ITGA9: variants seen among roughly 807,000 people sequenced by gnomAD.
ITGA9 encodes the protein integrin subunit alpha 9.
ITGA9 carries 56 observed loss-of-function variants against 127.8 expected under a neutral mutation model. That is an observed-to-expected ratio of 0.44 (90% CI 0.35 to 0.55). The LOEUF is 0.55. ITGA9 is among the 20% of genes least tolerant of loss of function. ITGA9 has a pLI of 0.00. For synonymous variants in ITGA9, 508 were observed against 514.5 expected (o/e 0.99, Z 0.17); for missense variants, 1,196 against 1,347.1 (o/e 0.89, Z 1.76).
chr3:37,672,328 G>T (rs957774459), intron 17 of ITGA9, among the ~76,000 whole-genome samples: 8 of 152,130 alleles, frequency 5.3e-5, no homozygotes, highest in African/African-American at 1.7e-4. Flanking sequence ...TGTTGTTCTT[G>T]TAATAGTGAA....
At chr3:37,497,510 C>G (rs943384756) in intron 5 of ITGA9, among the ~76,000 whole-genome samples, 1 of 152,098 alleles carries the variant, frequency 6.6e-6, no homozygotes, top group Non-Finnish European at 1.5e-5. Flanking sequence ...TTTTTAATAG[C>G]ACTTTCATAG....
chr3:37,472,967 C>G (rs923248634), intron 2 of ITGA9, among the ~76,000 whole-genome samples: 1 of 150,656 alleles, frequency 6.6e-6, no homozygotes, highest in Non-Finnish European at 1.5e-5. Context: ...GGTGAAAACC[C>G]ATCTCTGCTA....
At chr3:37,502,213 C>CTTT (rs910743416) in intron 5 of ITGA9, among the ~76,000 whole-genome samples, 53 of 111,816 alleles carry the variant, frequency 4.7e-4, no homozygotes, top group Non-Finnish European at 6.1e-4. Context: ...GTTCTTGAGT[C>CTTT]TTTTTTTTTT....
intron 15 of ITGA9, among the ~76,000 whole-genome samples, chr3:37,570,138 G>A (rs1232707271): frequency 6.6e-6 from 1 of 152,248 alleles, no homozygotes; most frequent in African/African-American, 2.4e-5. Context: ...CGGCATTTCT[G>A]CCCGGGGTTT....
chr3:37,820,716 G>A lies in ITGA9; in HGVS notation c.*1727G>A. ...TGATGGATAACCATCTAATAAGACA[G>A]AAAACATGGGGCTAAGAGCAGGGTC... On this transcript the variant is annotated 3_prime_UTR_variant, in exon 28 of 28. Coordinates refer to ENST00000264741, the MANE Select transcript of ITGA9 (RefSeq NM_002207.3). 6.6e-6 allele frequency: 1 copy of A among 152,316 alleles called. No individual in the cohort carries two copies. Among genetic ancestry groups the A allele is most frequent in the Non-Finnish European group, 1.5e-5 (1 of 68,052 alleles). 9.4% of individuals were successfully genotyped at this position (152,316 alleles called of 1,614,324 possible).
At chr3:37,781,857 T>G (rs1392183346) in intron 25 of ITGA9, among the ~76,000 whole-genome samples, 1 of 152,210 alleles carries the variant, frequency 6.6e-6, no homozygotes, top group African/African-American at 2.4e-5. Context: ...GTTTTTCCAT[T>G]TTCAATCTGT....
chr3:37,757,590 G>A (rs1197449195), intron 23 of ITGA9, among the ~76,000 whole-genome samples: 1 of 151,740 alleles, frequency 6.6e-6, no homozygotes, highest in Non-Finnish European at 1.5e-5. Flanking sequence ...GGTCAAGGCT[G>A]CAGTGAGCCA....
At chr3:37,752,076 G>A (rs1404926286) in intron 23 of ITGA9, among the ~76,000 whole-genome samples, 3 of 152,206 alleles carry the variant, frequency 2.0e-5, no homozygotes, top group African/African-American at 7.2e-5. Flanking sequence ...GTGAAGAGGC[G>A]AGAGTCCCCA....
chr3:37,757,124 A>G (rs1696661939), intron 23 of ITGA9, among the ~76,000 whole-genome samples: 1 of 151,902 alleles, frequency 6.6e-6, no homozygotes, highest in South Asian at 2.1e-4. Context: ...ACAATGAAAT[A>G]AACCCAACTC....
At chr3:37,764,732 G>A (rs963752992) in intron 23 of ITGA9, among the ~76,000 whole-genome samples, 9 of 152,142 alleles carry the variant, frequency 5.9e-5, no homozygotes, top group Non-Finnish European at 5.9e-5. Context: ...CAGTTCATAT[G>A]TCCTCTCTGT....
At chr3:37,760,841 T>G (rs1696715363) in intron 23 of ITGA9, among the ~76,000 whole-genome samples, 1 of 152,214 alleles carries the variant, frequency 6.6e-6, no homozygotes, top group Admixed American at 6.5e-5. Flanking sequence ...AACTTTTATG[T>G]GATCAAAATA....
At chr3:37,471,646 G>A (rs1698432192) in intron 2 of ITGA9, among the ~76,000 whole-genome samples, 1 of 152,238 alleles carries the variant, frequency 6.6e-6, no homozygotes, top group Non-Finnish European at 1.5e-5. Context: ...GGGCCTAGCA[G>A]GCCAGGGCAA....
intron 1 of ITGA9, among the ~76,000 whole-genome samples, chr3:37,466,729 G>A (rs113831061): frequency 7.9e-5 from 12 of 152,240 alleles, no homozygotes; most frequent in African/African-American, 1.9e-4. Context: ...CTGCATTTCC[G>A]ACAAGTGCCA....
intron 18 of ITGA9, among the ~76,000 whole-genome samples, chr3:37,728,373 A>G (rs1696243501): frequency 6.6e-6 from 1 of 152,216 alleles, no homozygotes; most frequent in Non-Finnish European, 1.5e-5. Flanking sequence ...AATTGAATTG[A>G]TTTTTTAAAT....
At chr3:37,690,740 T>G (rs1280727949) in intron 18 of ITGA9, among the ~76,000 whole-genome samples, 1 of 152,142 alleles carries the variant, frequency 6.6e-6, no homozygotes, top group African/African-American at 2.4e-5. Flanking sequence ...TTACACACAG[T>G]GTGAGATGCT....
intron 18 of ITGA9, among the ~76,000 whole-genome samples, chr3:37,715,076 G>A (rs565534688): frequency 1.3e-5 from 2 of 152,310 alleles, no homozygotes; most frequent in Admixed American, 6.5e-5. Context: ...AAAATGCCAC[G>A]TGTTCAGAGC....
intron 17 of ITGA9, among the ~76,000 whole-genome samples, chr3:37,664,070 G>A (rs1419141340): frequency 1.3e-5 from 2 of 152,144 alleles, no homozygotes; most frequent in African/African-American, 4.8e-5. Context: ...ACTTGCTCAA[G>A]GCTCATGTTG....
chr3:37,493,718 A>T (rs949086112), intron 4 of ITGA9, among the ~76,000 whole-genome samples: 14 of 152,200 alleles, frequency 9.2e-5, no homozygotes, highest in African/African-American at 2.9e-4. Context: ...ACCTGTTAAC[A>T]AGTGGGGATA....
intron 15 of ITGA9, among the ~76,000 whole-genome samples, chr3:37,559,844 G>A (rs1699468148): frequency 1.3e-5 from 2 of 152,206 alleles, no homozygotes; most frequent in Admixed American, 1.3e-4. Context: ...AGGCAGTGGT[G>A]CCTCCCTTCC....
Sources: allele counts gnomAD v4.1 joint callset (sites outside exome capture counted in the v4.1 genomes callset), GRCh38; gene constraint gnomAD v4.1.1; transcripts MANE v1.5; gene names NCBI Gene and HGNC (gene_info 2026-07-23, HGNC 2026-07-21).